PRKCA: variants seen among roughly 807,000 people sequenced by gnomAD.
PRKCA encodes protein kinase C alpha type.
Under a neutral mutation model 87.0 loss-of-function variants are expected in PRKCA, and 27 were observed. That is an observed-to-expected ratio of 0.31 (90% CI 0.23 to 0.43). The LOEUF (loss-of-function observed/expected upper bound fraction) is 0.43. Among genes scored for constraint, PRKCA ranks in the 20% least tolerant of loss-of-function variants. The probability of loss-of-function intolerance (pLI) is 1.00; values close to 1 mark genes in which losing one functional copy is unlikely to be tolerated. For synonymous variants in PRKCA, 329 were observed against 311.1 expected (o/e 1.06, Z -0.61); for missense variants, 518 against 852.3 (o/e 0.61, Z 4.88).
At chr17:66,340,380 C>CTTT (rs764343807) in intron 2 of PRKCA, among the ~76,000 whole-genome samples, 1 of 127,872 alleles carries the variant, frequency 7.8e-6, no homozygotes, top group Non-Finnish European at 1.7e-5. Context: ...TTTTTTTTTT[C>CTTT]TTTTTTTTTT....
chr17:66,645,252 C>A, intron 4 of PRKCA, 131 bp from the exon 5 acceptor site: 1 of 1,259,642 alleles, frequency 7.9e-7, no homozygotes, highest in Non-Finnish European at 1.1e-6. Flanking sequence ...TTCTTTATGT[C>A]ACCAAAAACA....
At chr17:66,365,174 G>A (rs576186108) in intron 2 of PRKCA, among the ~76,000 whole-genome samples, 19 of 152,326 alleles carry the variant, frequency 1.2e-4, no homozygotes, top group African/African-American at 9.6e-5. Flanking sequence ...TGTGGCTTTT[G>A]TGGGGAGAAT....
intron 8 of PRKCA, among the ~76,000 whole-genome samples, chr17:66,731,775 CTTTTTTTT>C (rs796884841): frequency 4.2e-5 from 3 of 71,420 alleles, no homozygotes; most frequent in East Asian, 1.0e-3. Flanking sequence ...TGCTCCCTTT[CTTTTTTTT>C]TTTTTTTTTT....
In PRKCA at chr17:66,774,008, G is replaced by A. The variant is rs1400087303; in HGVS notation, c.1546G>A (p.Gly516Arg). 1 of 1,613,900 alleles carries A rather than the reference G, an allele frequency of 6.2e-7. No individual in the cohort carries two copies. Among genetic ancestry groups the A allele is most frequent in the Non-Finnish European group, 8.5e-7 (1 of 1,179,994 alleles). ...APEIIAYQPY[G>R]KSVDWWAYGV... is the part of the protein sequence containing the mutation. ...ACAGATAATCGCTTATCAGCCGTAT[G>A]GAAAATCTGTGGACTGGTGGGCCTA... The change falls in exon 14 of 17, where the codon GGA becomes AGA. Residue 516 changes from glycine (G) to arginine (R), a missense_variant. Gly to Arg is a moderately radical substitution (Grantham distance 125). This residue lies in a region of PRKCA where 159 missense variants were observed against 232.4 expected (regional missense o/e 0.68). Coordinates refer to ENST00000413366, the MANE Select transcript of PRKCA (RefSeq NM_002737.3).
intron 3 of PRKCA, among the ~76,000 whole-genome samples, chr17:66,516,197 T>C (rs73338539): frequency 0.055 from 8,324 of 152,228 alleles, 759 homozygotes; most frequent in African/African-American, 0.19. Flanking sequence ...AGACTTCATC[T>C]GCAGGACAAT....
At chr17:66,575,145 G>A (rs377517966) in intron 3 of PRKCA, among the ~76,000 whole-genome samples, 54 of 152,280 alleles carry the variant, frequency 3.5e-4, no homozygotes, top group African/African-American at 1.2e-3. Context: ...ATCTATAACC[G>A]ATGGCTACGA....
At position 66,509,702 on chromosome 17, in the gene PRKCA, G is replaced by A. The variant is rs181342569; in HGVS notation, c.288+13419G>A. On this transcript the variant is annotated intron_variant, in intron 3 of 16. Transcript: ENST00000413366. ...TGGGCACCTGGGGCCCAGTCAAGTCGGCACATAAAATTAACTATCACAGAA... is the reference window on the plus strand; with the variant it reads ...TGGGCACCTGGGGCCCAGTCAAGTCAGCACATAAAATTAACTATCACAGAA... Among the ~76,000 whole-genome samples, 101 of 152,290 alleles carry A rather than the reference G, an allele frequency of 6.6e-4. 1 individual carries two copies. Among genetic ancestry groups the A allele is most frequent in the African/African-American group, 2.4e-3 (98 of 41,562 alleles).
chr17:66,453,034 G>A (rs1914403159), intron 2 of PRKCA, among the ~76,000 whole-genome samples: 1 of 152,222 alleles, frequency 6.6e-6, no homozygotes, highest in Non-Finnish European at 1.5e-5. Context: ...GCATTTAGGA[G>A]TCCTGCCTGG....
chr17:66,787,214 C>G (rs976736458), intron 15 of PRKCA: 1 of 688,306 alleles, frequency 1.5e-6, no homozygotes, highest in East Asian at 2.9e-5. Flanking sequence ...TAGTGTTGCT[C>G]CTGGCCTGGC....
intron 2 of PRKCA, among the ~76,000 whole-genome samples, chr17:66,483,909 C>T (rs1915887308): frequency 6.6e-6 from 1 of 152,038 alleles, no homozygotes; most frequent in Non-Finnish European, 1.5e-5. Flanking sequence ...AGAACATCAA[C>T]ATGAATTTTA....
chr17:66,653,573 A>G (rs1971646679), intron 5 of PRKCA, among the ~76,000 whole-genome samples: 1 of 152,208 alleles, frequency 6.6e-6, no homozygotes, highest in Non-Finnish European at 1.5e-5. Context: ...CCTAGGTGAC[A>G]GAGCAAAACC....
At chr17:66,691,434 A>G (rs1302128027) in intron 8 of PRKCA, among the ~76,000 whole-genome samples, 1 of 152,198 alleles carries the variant, frequency 6.6e-6, no homozygotes, top group Non-Finnish European at 1.5e-5. Flanking sequence ...TACAAAGATG[A>G]AAGTCAGGGT....
At position 66,769,812 on chromosome 17, in the gene PRKCA, C is replaced by T. The variant is rs1283751207; in HGVS notation, c.1525-4175C>T. Among the ~76,000 whole-genome samples, 4 of 152,150 alleles carry T rather than the reference C, an allele frequency of 2.6e-5. No individual in the cohort carries two copies. In the South Asian group the frequency reaches 8.3e-4, roughly 32 times the overall value. The stretch of plus-strand genomic sequence containing the variant: ...CCTTTTCAAAGAAAATCGTTGGGCT[C>T]GTTAATCCTTTGATTCAAGTCTTTT... On this transcript the variant is annotated intron_variant, in intron 13 of 16. Transcript: ENST00000413366.
intron 3 of PRKCA, among the ~76,000 whole-genome samples, chr17:66,588,502 A>T (rs1969689031): frequency 6.6e-6 from 1 of 152,154 alleles, no homozygotes; most frequent in Admixed American, 6.6e-5. Flanking sequence ...AAGCATCTGT[A>T]AAAGGGTCTA....
intron 2 of PRKCA, among the ~76,000 whole-genome samples, chr17:66,362,138 C>T (rs113126013): frequency 0.014 from 2,079 of 152,238 alleles, 54 homozygotes; most frequent in African/African-American, 0.048. Flanking sequence ...CGGGTTCAAG[C>T]GATTCTCCTG....
chr17:66,501,810 G>C (rs1421521562), intron 3 of PRKCA, among the ~76,000 whole-genome samples: 1 of 152,220 alleles, frequency 6.6e-6, no homozygotes, highest in African/African-American at 2.4e-5. Flanking sequence ...GCAGGTAGAA[G>C]TCGAGAGTAG....
At chr17:66,426,614 G>T (rs1207485272) in intron 2 of PRKCA, among the ~76,000 whole-genome samples, 5 of 152,198 alleles carry the variant, frequency 3.3e-5, no homozygotes, top group Admixed American at 1.3e-4. Context: ...TTCCTGTGCT[G>T]CAAGAACCCC....
At chr17:66,672,985 A>G (rs888780598) in intron 5 of PRKCA, among the ~76,000 whole-genome samples, 12 of 152,160 alleles carry the variant, frequency 7.9e-5, no homozygotes, top group Non-Finnish European at 1.2e-4. Flanking sequence ...AATTTCTTGT[A>G]TGATGGGTGC....
intron 8 of PRKCA, among the ~76,000 whole-genome samples, chr17:66,697,058 C>T (rs1972941554): frequency 6.6e-6 from 1 of 152,210 alleles, no homozygotes; most frequent in Non-Finnish European, 1.5e-5. Context: ...CGTCATCACA[C>T]CTCGCCTGTC....
Sources: gnomAD v4.1 joint callset for allele counts (sites outside exome capture counted in the v4.1 genomes callset) on GRCh38, gnomAD v4.1.1 for gene constraint, gnomAD v4.1.1 regional missense constraint, MANE v1.5 for transcripts, NCBI Gene and HGNC (gene_info 2026-07-23, HGNC 2026-07-21) for gene names.